The following ZFPM2 variants were observed in gnomAD, a reference collection of about 807,000 sequenced individuals.
ZFPM2 encodes zinc finger protein ZFPM2.
ZFPM2 carries 20 observed loss-of-function variants against 98.6 expected under a neutral mutation model. The observed-to-expected ratio is 0.20, with a 90% CI of 0.14 to 0.29. The LOEUF is 0.29. Ranked by LOEUF, ZFPM2 falls within the 10% of genes least tolerant of loss-of-function variation. The probability of loss-of-function intolerance (pLI) is 1.00; values close to 1 mark genes in which losing one functional copy is unlikely to be tolerated. For missense variants in ZFPM2, 1,310 were observed against 1,388.6 expected, an observed-to-expected ratio of 0.94 and a Z score of 0.90; for synonymous variants, 518 against 502.7, an observed-to-expected ratio of 1.03 and a Z score of -0.41.
chr8:105,371,406 T>C (rs1810619589), intron 1 of ZFPM2, among the ~76,000 whole-genome samples: 1 of 152,104 alleles, frequency 6.6e-6, no homozygotes, highest in Non-Finnish European at 1.5e-5. Context: ...CTGGAAATAA[T>C]GGAGGGTGGA....
chr8:105,328,521 A>G (rs745434589), intron 1 of ZFPM2, among the ~76,000 whole-genome samples: 1 of 151,866 alleles, frequency 6.6e-6, no homozygotes, highest in Non-Finnish European at 1.5e-5. Context: ...TTGTCTTCTT[A>G]CCTCAACTGT....
At chr8:105,578,472 C>A (rs1040059010) in intron 4 of ZFPM2, among the ~76,000 whole-genome samples, 28 of 152,036 alleles carry the variant, frequency 1.8e-4, no homozygotes, top group African/African-American at 6.8e-4. Flanking sequence ...TATCATCAAA[C>A]AATTCAGAGT....
At chr8:105,392,552 C>T (rs371069923) in intron 1 of ZFPM2, among the ~76,000 whole-genome samples, 1 of 152,110 alleles carries the variant, frequency 6.6e-6, no homozygotes, top group South Asian at 2.1e-4. Flanking sequence ...TGCTAAGTGT[C>T]CACTATGTAC....
chr8:105,516,132 G>C (rs1813916963), intron 3 of ZFPM2, among the ~76,000 whole-genome samples: 1 of 151,874 alleles, frequency 6.6e-6, no homozygotes, highest in Admixed American at 6.6e-5. Flanking sequence ...CACCATGTTG[G>C]CCAGGCTGGT....
chr8:105,453,991 T>C (rs924634241), intron 3 of ZFPM2, among the ~76,000 whole-genome samples: 14 of 152,296 alleles, frequency 9.2e-5, no homozygotes, highest in African/African-American at 2.6e-4. Flanking sequence ...TAAACAAATA[T>C]CAATATAACA....
chr8:105,744,634 T>A (rs572126947), intron 5 of ZFPM2, among the ~76,000 whole-genome samples: 1 of 121,858 alleles, frequency 8.2e-6, no homozygotes, highest in South Asian at 3.2e-4. Context: ...TGTGTATGTA[T>A]ATTAGAAGAG....
chr8:105,802,968 T>C lies in ZFPM2; in HGVS notation c.2886T>C (p.Phe962=). 1 of 1,612,742 alleles carries C rather than the reference T, an allele frequency of 6.2e-7. No individual in the cohort carries two copies. The change falls in exon 8 of 8, where the codon TTT becomes TTC. Residue 962 remains phenylalanine, a synonymous_variant. Transcript: ENST00000407775. ...IATKEENRHL[F]LPQCLYPGAI... Reference sequence around the variant, plus strand: ...CAAAAGAAGAAAACAGACATTTGTTTCTTCCACAATGCCTTTACCCTGGAG... The same window carrying C: ...CAAAAGAAGAAAACAGACATTTGTTCCTTCCACAATGCCTTTACCCTGGAG...
chr8:105,585,561 C>T (rs1418696814), intron 4 of ZFPM2, among the ~76,000 whole-genome samples: 1 of 152,176 alleles, frequency 6.6e-6, no homozygotes, highest in Non-Finnish European at 1.5e-5. Context: ...GTGCCAGACA[C>T]AATGTAAGAT....
At chr8:105,558,930 A>T (rs1024173809) in intron 3 of ZFPM2, among the ~76,000 whole-genome samples, 1 of 152,184 alleles carries the variant, frequency 6.6e-6, no homozygotes, top group Non-Finnish European at 1.5e-5. Context: ...GTTGAAAAAA[A>T]TACTGAGAAC....
Position 105,801,767 on chromosome 8 carries a change from A to C in ZFPM2, c.1685A>C (p.Asn562Thr). ...ECNITFNNLDNYLVHKKHYCS... is the reference protein window; with the variant it reads ...ECNITFNNLDTYLVHKKHYCS... The stretch of plus-strand genomic sequence containing the variant: ...AACATAACATTCAATAATTTGGATA[A>C]TTATCTAGTGCACAAAAAGCATTAT... The change falls in exon 8 of 8, where the codon AAT (asparagine) becomes ACT (threonine). Residue 562 changes from asparagine (N) to threonine (T), a missense_variant. Transcript: ENST00000407775. 2.5e-6 allele frequency: 4 copies of C among 1,613,946 alleles called. No individual in the cohort carries two copies. Among genetic ancestry groups the C allele is most frequent in the East Asian group, 2.2e-5 (1 of 44,868 alleles).
intron 3 of ZFPM2, among the ~76,000 whole-genome samples, chr8:105,468,662 A>C (rs541574534): frequency 6.6e-6 from 1 of 151,904 alleles, no homozygotes; most frequent in Non-Finnish European, 1.5e-5. Context: ...CTATACCTAA[A>C]TCACCAGGAA....
intron 4 of ZFPM2, among the ~76,000 whole-genome samples, chr8:105,610,934 A>G (rs1411455460): frequency 1.3e-5 from 2 of 152,214 alleles, no homozygotes. Flanking sequence ...ATGTAGAGCT[A>G]CCAGAGTTCA....
intron 5 of ZFPM2, among the ~76,000 whole-genome samples, chr8:105,711,157 G>A (rs1811386181): frequency 6.6e-6 from 1 of 151,962 alleles, no homozygotes; most frequent in Non-Finnish European, 1.5e-5. Context: ...AAAATAAAAT[G>A]CCAACAACAA....
At chr8:105,580,086 C>A (rs934105663) in intron 4 of ZFPM2, among the ~76,000 whole-genome samples, 2 of 152,182 alleles carry the variant, frequency 1.3e-5, no homozygotes, top group African/African-American at 2.4e-5. Context: ...CAAGGATATC[C>A]TTCCCGAAAG....
At chr8:105,372,248 T>C (rs574407206) in intron 1 of ZFPM2, among the ~76,000 whole-genome samples, 71 of 152,046 alleles carry the variant, frequency 4.7e-4, no homozygotes, top group African/African-American at 1.6e-3. Context: ...TTCACCGTGT[T>C]AGCCAGGATG....
chr8:105,648,658 T>C (rs1385461466), intron 5 of ZFPM2, among the ~76,000 whole-genome samples: 1 of 152,214 alleles, frequency 6.6e-6, no homozygotes, highest in East Asian at 1.9e-4. Context: ...TTCTTGTTTT[T>C]GTCAGGTTTG....
chr8:105,508,617 T>C (rs1813749643), intron 3 of ZFPM2, among the ~76,000 whole-genome samples: 1 of 152,080 alleles, frequency 6.6e-6, no homozygotes, highest in Non-Finnish European at 1.5e-5. Context: ...TATTGTGAGC[T>C]GAGAAACTGG....
intron 3 of ZFPM2, among the ~76,000 whole-genome samples, chr8:105,511,657 G>A (rs1223878883): frequency 1.3e-5 from 2 of 152,170 alleles, no homozygotes; most frequent in South Asian, 2.1e-4. Context: ...GTTGGTATAA[G>A]TTTGGTACCA....
intron 1 of ZFPM2, among the ~76,000 whole-genome samples, chr8:105,329,150 T>C (rs1460002569): frequency 2.0e-5 from 3 of 151,850 alleles, no homozygotes; most frequent in African/African-American, 4.8e-5. Flanking sequence ...ACCTGATTGA[T>C]TGATGTCTGG....
Sources: gnomAD v4.1 joint callset for allele counts (sites outside exome capture counted in the v4.1 genomes callset) on GRCh38, gnomAD v4.1.1 for gene constraint, MANE v1.5 for transcripts, NCBI Gene and HGNC (gene_info 2026-07-23, HGNC 2026-07-21) for gene names.